ZNF462: variants seen among roughly 807,000 people sequenced by gnomAD.
The protein encoded by ZNF462 is zinc finger protein 462.
ZNF462 carries 10 observed loss-of-function variants against 201.9 expected under a neutral mutation model. The observed-to-expected ratio is 0.05, with a 90% CI of 0.03 to 0.08. The LOEUF is 0.08. Among genes scored for constraint, ZNF462 ranks in the 10% least tolerant of loss-of-function variants. ZNF462 has a pLI of 1.00. For synonymous variants in ZNF462, 1,227 were observed against 1,193.3 expected (o/e 1.03, Z -0.58); for missense variants, 2,523 against 3,168.3 (o/e 0.80, Z 4.89).
At position 107,003,595 on chromosome 9, in the gene ZNF462, C is replaced by T. The variant is rs1416592976; in HGVS notation, c.7189+169C>T. On this transcript the variant is annotated intron_variant, in intron 11 of 12. Coordinates refer to ENST00000277225, the MANE Select transcript of ZNF462 (RefSeq NM_021224.6). The surrounding 1 kb of genome is among the most constrained non-coding windows in gnomAD (Gnocchi z 4.4). The stretch of plus-strand genomic sequence containing the variant: ...ACATCAAGAGCTGTGTCTTTGTAAA[C>T]TATTACCAGCTATAGAAACGCCAAG... Among the ~76,000 whole-genome samples the T allele has an allele frequency of 6.6e-6, 1 of 152,106 alleles. No homozygotes were observed. The highest frequency in any genetic ancestry group is 6.6e-5 in the Admixed American group (1 of 15,260).
At chr9:106,894,240 A>G (rs1402276259) in intron 1 of ZNF462, among the ~76,000 whole-genome samples, 1 of 152,174 alleles carries the variant, frequency 6.6e-6, no homozygotes, top group Non-Finnish European at 1.5e-5. Flanking sequence ...CGAGGTTCAA[A>G]ACAACCCTTG....
rs1409612944 is a variant in ZNF462 at position 106,886,945 on chromosome 9, A to C, written c.-31+23590A>C. 1.3e-5 allele frequency among the ~76,000 whole-genome samples: 2 copies of C among 152,134 alleles called. No individual in the cohort carries two copies. Among genetic ancestry groups the C allele is most frequent in the African/African-American group, 4.8e-5 (2 of 41,438 alleles). On this transcript the variant is annotated intron_variant, in intron 1 of 12. Transcript: ENST00000277225. The surrounding 1 kb of genome is among the most constrained non-coding windows in gnomAD (Gnocchi z 4.6). Reference sequence around the variant, plus strand: ...GAGAGGGTAAATGACAGGCGGTGGCACTTCCCTATACTTGCTGTCCCTTAC... The same window carrying C: ...GAGAGGGTAAATGACAGGCGGTGGCCCTTCCCTATACTTGCTGTCCCTTAC...
intron 7 of ZNF462, among the ~76,000 whole-genome samples, chr9:106,952,489 C>T (rs926758095): frequency 6.6e-6 from 1 of 152,148 alleles, no homozygotes; most frequent in African/African-American, 2.4e-5. Context: ...AGTTTCCTTA[C>T]ATCATGAGCT....
chr9:106,969,704 G>T (rs1447470836), intron 7 of ZNF462, among the ~76,000 whole-genome samples: 1 of 152,172 alleles, frequency 6.6e-6, no homozygotes. Context: ...GGAGGGGACT[G>T]TGACTCCTTT....
In ZNF462 at chr9:106,963,504, A is replaced by G. The variant is rs977295483; in HGVS notation, c.6428-8501A>G. ...AGCTGACATTACCTGCTTGGTTGTC[A>G]TTTCAGATTGACAGGAACAATGCCT... On this transcript the variant is annotated intron_variant, in intron 7 of 12. Coordinates refer to ENST00000277225, the MANE Select transcript of ZNF462 (RefSeq NM_021224.6). The surrounding 1 kb of genome is among the most constrained non-coding windows in gnomAD (Gnocchi z 4.7). Among the ~76,000 whole-genome samples the G allele has an allele frequency of 6.6e-6, 1 of 152,102 alleles. No homozygotes were observed. Among genetic ancestry groups the G allele is most frequent in the Non-Finnish European group, 1.5e-5 (1 of 67,988 alleles).
In ZNF462 at chr9:107,011,004, G is replaced by T. The variant is rs1829902512; in HGVS notation, c.7495G>T (p.Glu2499Ter). The change falls in exon 13 of 13, where the codon GAG (glutamate) becomes TAG (stop). Residue 2499 changes from glutamate to a stop codon, truncating the protein, a stop_gained. Transcript: ENST00000277225. LOFTEE classifies it high-confidence loss of function. The surrounding 1 kb of genome is among the most constrained non-coding windows in gnomAD (Gnocchi z 5.6). ...CVVTADKSLL[E>*]NAEAKKE ...AGTAACTGCCGACAAATCTCTCCTG[G>T]AGAATGCAGAGGCCAAAAAAGAATG... The T allele has an allele frequency of 1.9e-6, 3 of 1,613,598 alleles. No individual in the cohort carries two copies. The highest frequency in any genetic ancestry group is 2.5e-6 in the Non-Finnish European group (3 of 1,179,864).
Position 106,972,144 on chromosome 9 carries a change from C to T in ZNF462, c.6567C>T (p.Ala2189=), listed in dbSNP as rs548250857. The change falls in exon 8 of 13, where the codon GCC becomes GCT. Residue 2189 remains alanine (A), a synonymous_variant. Transcript: ENST00000277225. The surrounding 1 kb of genome is among the most constrained non-coding windows in gnomAD (Gnocchi z 4.8). ...CTGGCACTGAGCAGAAAACTGAAGC[C>T]GTGCTTCACTGCGAATTCTGTGAAT... is the stretch of plus-strand genomic sequence containing the variant. The part of the protein sequence containing the change: ...AAAGTEQKTE[A]VLHCEFCEFS... 687 of 1,614,198 alleles carry T rather than the reference C, an allele frequency of 4.3e-4. 9 individuals carry two copies. In the South Asian group the frequency reaches 6.8e-3, roughly 16 times the overall value.
intron 1 of ZNF462, among the ~76,000 whole-genome samples, chr9:106,891,366 CT>C (rs1434591917): frequency 6.6e-6 from 1 of 152,070 alleles, no homozygotes; most frequent in Non-Finnish European, 1.5e-5. Flanking sequence ...TCTGTGTCCT[CT>C]GAAAGTTTAA....
At position 106,978,271 on chromosome 9, in the gene ZNF462, T is replaced by C. The variant is rs1349906547; in HGVS notation, c.6832+3998T>C. On this transcript the variant is annotated intron_variant, in intron 9 of 12. Transcript: ENST00000277225. This position sits in a 1 kb window ranked among gnomAD's most constrained non-coding sequence, Gnocchi z 4.1. ...GGGAAGAGACAATTTAATAAACCAC[T>C]GAGGTCGGTGGAAGCAAGACATGTT... 6.6e-6 allele frequency among the ~76,000 whole-genome samples: 1 copy of C among 151,482 alleles called. No homozygotes were observed. The highest frequency in any genetic ancestry group is 1.5e-5 in the Non-Finnish European group (1 of 68,018).
intron 1 of ZNF462, among the ~76,000 whole-genome samples, chr9:106,868,248 G>A (rs1827433957): frequency 6.6e-6 from 1 of 152,160 alleles, no homozygotes; most frequent in Non-Finnish European, 1.5e-5. Context: ...CTCCTTGTGT[G>A]ATATGCCAAG....
intron 1 of ZNF462, among the ~76,000 whole-genome samples, chr9:106,898,678 G>A (rs1375029489): frequency 6.6e-6 from 1 of 152,144 alleles, no homozygotes; most frequent in East Asian, 1.9e-4. Flanking sequence ...GGGGGAGGAG[G>A]TCAGGGTGGA....
chr9:106,942,986 A>G (rs1830938195), intron 7 of ZNF462, among the ~76,000 whole-genome samples: 1 of 152,022 alleles, frequency 6.6e-6, no homozygotes, highest in African/African-American at 2.4e-5. Context: ...TGCATTTAGG[A>G]CAAAAACAAA....
Position 106,923,262 on chromosome 9 carries a change from A to T in ZNF462, c.-30-92A>T. 1.1e-6 allele frequency: 1 copy of T among 923,408 alleles called. No individual in the cohort carries two copies. The highest frequency in any genetic ancestry group is 1.6e-5 in the South Asian group (1 of 62,566). 57.2% of individuals were successfully genotyped at this position (923,408 alleles called of 1,614,324 possible). ...ATAAGAGAAATCTACTGATACTGGA[A>T]TTTTTTCCCATTAATGGATATATAG... is the stretch of plus-strand genomic sequence containing the variant. On this transcript the variant is annotated intron_variant, in intron 1 of 12. Transcript: ENST00000277225. The surrounding 1 kb of genome is among the most constrained non-coding windows in gnomAD (Gnocchi z 5.6).
chr9:106,974,330 C>T lies in ZNF462; in HGVS notation c.6832+57C>T. The T allele has an allele frequency of 6.2e-7, 1 of 1,612,240 alleles. No individual in the cohort carries two copies. The highest frequency in any genetic ancestry group is 1.1e-5 in the South Asian group (1 of 91,046). ...AGCGGGGGGCAGGCAGCAGAGATGG[C>T]CTTCTAGGGATGCTCTCTCAGAGTG... On this transcript the variant is annotated intron_variant, in intron 9 of 12. Coordinates refer to ENST00000277225, the MANE Select transcript of ZNF462 (RefSeq NM_021224.6). The surrounding 1 kb of genome is among the most constrained non-coding windows in gnomAD (Gnocchi z 4.0).
At chr9:106,961,410 A>T (rs1038073821) in intron 7 of ZNF462, among the ~76,000 whole-genome samples, 4 of 152,168 alleles carry the variant, frequency 2.6e-5, no homozygotes, top group African/African-American at 7.2e-5. Flanking sequence ...TATTTCAGCA[A>T]ACATGGTTCA....
At chr9:106,992,144 TAAG>T (rs1466461352) in intron 10 of ZNF462, among the ~76,000 whole-genome samples, 1 of 151,764 alleles carries the variant, frequency 6.6e-6, no homozygotes, top group Non-Finnish European at 1.5e-5. Flanking sequence ...AACTCAACAA[TAAG>T]AAGATAAGCA....
chr9:106,978,857 C>A lies in ZNF462; in HGVS notation c.6832+4584C>A. On this transcript the variant is annotated intron_variant, in intron 9 of 12. Transcript: ENST00000277225. This position sits in a 1 kb window ranked among gnomAD's most constrained non-coding sequence, Gnocchi z 4.1. ...AAGCCACAGATTTTGGACCAAGGAC[C>A]TTGCCTCCTCAGTGATGTGGGATCT... 4.6e-6 allele frequency: 1 copy of A among 218,992 alleles called. No homozygotes were observed. The highest frequency in any genetic ancestry group is 6.7e-5 in the South Asian group (1 of 14,998). The allele number at this position is 218,992 out of a possible 1,614,324, so 13.6% of individuals were successfully genotyped here.
rs762067519 is a variant in ZNF462 at position 106,926,940 on chromosome 9, A to G, written c.3028A>G (p.Lys1010Glu). 1.2e-6 allele frequency: 2 copies of G among 1,614,158 alleles called. No homozygotes were observed. The highest frequency in any genetic ancestry group is 1.1e-5 in the South Asian group (1 of 91,078). ...LPATFNKNTP[K>E]TFTPECENQK... is the part of the protein sequence containing the mutation. Reference sequence around the variant, plus strand: ...AGCTACGTTCAACAAAAACACTCCTAAGACCTTTACTCCTGAATGTGAAAA... The same window carrying G: ...AGCTACGTTCAACAAAAACACTCCTGAGACCTTTACTCCTGAATGTGAAAA... Residue 1010 changes from lysine to glutamate, a missense_variant, in exon 3 of 13, where the codon AAG (lysine) becomes GAG (glutamate). Physicochemically the swap from Lys to Glu is moderately conservative, Grantham distance 56. This residue lies in a region of ZNF462 where 280 missense variants were observed against 321.3 expected (regional missense o/e 0.87). Coordinates refer to ENST00000277225, the MANE Select transcript of ZNF462 (RefSeq NM_021224.6). This position sits in a 1 kb window ranked among gnomAD's most constrained non-coding sequence, Gnocchi z 7.9.
In ZNF462 at chr9:107,005,924, A is replaced by G. The variant is rs1029884757; in HGVS notation, c.7189+2498A>G. Among the ~76,000 whole-genome samples, 12 of 152,154 alleles carry G rather than the reference A, an allele frequency of 7.9e-5. No homozygotes were observed. Among genetic ancestry groups the G allele is most frequent in the African/African-American group, 2.9e-4 (12 of 41,438 alleles). The stretch of plus-strand genomic sequence containing the variant: ...GTGGATATCCACCTGTTCCAATACC[A>G]TTTATTGAAGAGACTGCCCTTTCCC... On this transcript the variant is annotated intron_variant, in intron 11 of 12. Transcript: ENST00000277225. The surrounding 1 kb of genome is among the most constrained non-coding windows in gnomAD (Gnocchi z 4.4).
Sources: gnomAD v4.1 joint callset for allele counts (sites outside exome capture counted in the v4.1 genomes callset) on GRCh38, gnomAD v4.1.1 for gene constraint, gnomAD v4.1.1 regional missense constraint, Gnocchi (gnomAD v3.1) non-coding constraint, MANE v1.5 for transcripts, NCBI Gene and HGNC (gene_info 2026-07-23, HGNC 2026-07-21) for gene names.